VPS26A: variants seen among roughly 807,000 people sequenced by gnomAD.
VPS26A encodes the protein vacuolar protein sorting-associated protein 26A.
A neutral mutation model predicts 42.4 loss-of-function variants in VPS26A; 22 were observed. The ratio of observed to expected loss-of-function variants is 0.52; its 90% CI spans 0.37 to 0.74. The LOEUF (loss-of-function observed/expected upper bound fraction) is 0.74, where lower values mean the gene tolerates loss of function less well. VPS26A is among the 30% of genes least tolerant of loss of function. The pLI, the probability that VPS26A is intolerant of heterozygous loss-of-function variation, is 0.00. For missense variants in VPS26A, 276 were observed against 379.2 expected, an observed-to-expected ratio of 0.73 and a Z score of 2.26; for synonymous variants, 110 against 123.5, an observed-to-expected ratio of 0.89 and a Z score of 0.73.
In VPS26A at chr10:69,172,350, G is replaced by C. The variant is rs1841834109; in HGVS notation, c.*1081G>C. The C allele has an allele frequency of 6.6e-6, 1 of 152,176 alleles. No individual in the cohort carries two copies. The highest frequency in any genetic ancestry group is 2.4e-5 in the African/African-American group (1 of 41,442). The allele number at this position is 152,176 out of a possible 1,614,324, so 9.4% of individuals were successfully genotyped here. On this transcript the variant is annotated 3_prime_UTR_variant, in exon 9 of 9. Coordinates refer to ENST00000263559, the MANE Select transcript of VPS26A (RefSeq NM_004896.5). ...TTTGTTTTAAGTCTCTAAAAAAGAAGATTGCAGTCATCCATTCATATGCAT... is the reference window on the plus strand; with the variant it reads ...TTTGTTTTAAGTCTCTAAAAAAGAACATTGCAGTCATCCATTCATATGCAT...
At chr10:69,171,091 C>A in intron 8 of VPS26A, 65 bp from the exon 9 acceptor site, 1 of 1,240,418 alleles carries the variant, frequency 8.1e-7, no homozygotes. Flanking sequence ...ATTGAAGTGG[C>A]AATCAATAGA....
At chr10:69,169,089 C>T (rs542470451) in intron 8 of VPS26A, among the ~76,000 whole-genome samples, 50 of 146,638 alleles carry the variant, frequency 3.4e-4, no homozygotes, top group South Asian at 2.8e-3. Context: ...CTGTGTTGCC[C>T]GGGCTGGTCT....
At chr10:69,136,167 C>T (rs935982379) in intron 2 of VPS26A, among the ~76,000 whole-genome samples, 2 of 152,230 alleles carry the variant, frequency 1.3e-5, no homozygotes, top group East Asian at 3.9e-4. Context: ...TTGAATCAAA[C>T]TCAAGTTTGA....
At chr10:69,164,424 C>G (rs1033506249) in intron 6 of VPS26A, among the ~76,000 whole-genome samples, 1 of 152,008 alleles carries the variant, frequency 6.6e-6, no homozygotes, top group Non-Finnish European at 1.5e-5. Context: ...CACTACGTTG[C>G]CCAGGCTGGT....
intron 5 of VPS26A, among the ~76,000 whole-genome samples, chr10:69,159,692 A>G (rs1309931181): frequency 2.0e-5 from 3 of 152,238 alleles, no homozygotes; most frequent in Non-Finnish European, 4.4e-5. Flanking sequence ...ATCATTCTAA[A>G]TATAACTACA....
At chr10:69,129,332 A>G (rs1389241341) in intron 1 of VPS26A, among the ~76,000 whole-genome samples, 1 of 152,172 alleles carries the variant, frequency 6.6e-6, no homozygotes, top group Non-Finnish European at 1.5e-5. Context: ...GAAATGTACT[A>G]CAGTATTTCA....
intron 8 of VPS26A, among the ~76,000 whole-genome samples, chr10:69,169,302 A>G (rs959663009): frequency 2.6e-5 from 4 of 151,998 alleles, no homozygotes; most frequent in African/African-American, 7.2e-5. Flanking sequence ...CTTCCAAGCA[A>G]TCCTCCAGTC....
At chr10:69,151,694 C>T (rs1389389164) in intron 2 of VPS26A, among the ~76,000 whole-genome samples, 1 of 152,228 alleles carries the variant, frequency 6.6e-6, no homozygotes, top group East Asian at 1.9e-4. Context: ...AAAAACTTTG[C>T]ATTTGTACTT....
chr10:69,130,585 G>A (rs1840753102), intron 1 of VPS26A, among the ~76,000 whole-genome samples: 3 of 152,256 alleles, frequency 2.0e-5, no homozygotes, highest in South Asian at 2.1e-4. Context: ...AAAAGTACAC[G>A]AATAGGTGTA....
chr10:69,151,284 C>CAAAAACAAAAAAA (rs1162179375), intron 2 of VPS26A, among the ~76,000 whole-genome samples: 1 of 111,870 alleles, frequency 8.9e-6, no homozygotes, highest in Non-Finnish European at 1.7e-5. Flanking sequence ...AAAAAAAAAA[C>CAAAAACAAAAAAA]ACACACACAC....
chr10:69,126,031 C>G (rs1403818855), intron 1 of VPS26A, among the ~76,000 whole-genome samples: 1 of 152,126 alleles, frequency 6.6e-6, no homozygotes, highest in Non-Finnish European at 1.5e-5. Context: ...TTTTTATAGT[C>G]ATATATATTG....
In VPS26A at chr10:69,134,882, C is replaced by T. The variant is rs1186644706; in HGVS notation, c.153+1835C>T. Among the ~76,000 whole-genome samples, 3 of 151,400 alleles carry T rather than the reference C, an allele frequency of 2.0e-5. No individual in the cohort carries two copies. In the East Asian group the frequency reaches 5.8e-4, roughly 29 times the overall value. On this transcript the variant is annotated intron_variant, in intron 2 of 8. Coordinates refer to ENST00000263559, the MANE Select transcript of VPS26A (RefSeq NM_004896.5). ...CCGAGGAGGGAGGATCACTTGAGCC[C>T]AGGAATTCAAGACCAGCTTGGGCAA...
rs1840659977 is a variant in VPS26A at position 69,126,582 on chromosome 10, A to T, written c.3+2302A>T. Among the ~76,000 whole-genome samples the T allele has an allele frequency of 7.2e-5, 11 of 152,104 alleles. No individual in the cohort carries two copies. The South Asian group carries it at 2.3e-3, about 32-fold the overall frequency. On this transcript the variant is annotated intron_variant, in intron 1 of 8. Transcript: ENST00000263559. ...CTCCGTCTCAAAAAAAAAAAAAAAA[A>T]AAAAAATCTCAAAACTGAATTGCTG... is the stretch of plus-strand genomic sequence containing the variant.
intron 2 of VPS26A, among the ~76,000 whole-genome samples, chr10:69,149,980 A>C (rs1344587427): frequency 6.6e-6 from 1 of 151,876 alleles, no homozygotes; most frequent in African/African-American, 2.4e-5. Flanking sequence ...CCTGACCTCA[A>C]GTGATCCACC....
chr10:69,164,426 C>T (rs879812989), intron 6 of VPS26A, among the ~76,000 whole-genome samples: 2 of 152,066 alleles, frequency 1.3e-5, no homozygotes, highest in Non-Finnish European at 2.9e-5. Context: ...CTACGTTGCC[C>T]AGGCTGGTTT....
chr10:69,137,338 C>T (rs979232038), intron 2 of VPS26A, among the ~76,000 whole-genome samples: 4 of 152,132 alleles, frequency 2.6e-5, no homozygotes, highest in African/African-American at 4.8e-5. Context: ...TTAGCTGGGT[C>T]CTATGCTCAG....
intron 2 of VPS26A, among the ~76,000 whole-genome samples, chr10:69,134,038 A>G (rs1840851247): frequency 6.6e-6 from 1 of 152,178 alleles, no homozygotes; most frequent in Admixed American, 6.5e-5. Flanking sequence ...GTGGTCAGTG[A>G]TAGTGGAGAA....
At chr10:69,129,726 T>A (rs1050871865) in intron 1 of VPS26A, among the ~76,000 whole-genome samples, 1 of 152,040 alleles carries the variant, frequency 6.6e-6, no homozygotes, top group African/African-American at 2.4e-5. Context: ...GGTTTCACCG[T>A]GTTAGCCAGG....
intron 1 of VPS26A, among the ~76,000 whole-genome samples, chr10:69,126,516 G>T (rs1477130071): frequency 6.7e-6 from 1 of 150,094 alleles, no homozygotes. Context: ...GCAGTGAGCC[G>T]AGATCGCGCT....
Sources: gnomAD v4.1 joint callset for allele counts (sites outside exome capture counted in the v4.1 genomes callset) on GRCh38, gnomAD v4.1.1 for gene constraint, MANE v1.5 for transcripts, NCBI Gene and HGNC (gene_info 2026-07-23, HGNC 2026-07-21) for gene names.